The following MGST1 variants were observed in gnomAD, a reference collection of about 807,000 sequenced individuals.
MGST1 encodes the protein glutathione S-transferase 12.
Under a neutral mutation model 8.9 loss-of-function variants are expected in MGST1, and 5 were observed. That is an observed-to-expected ratio of 0.56 (90% confidence interval 0.29 to 1.19). MGST1 has a LOEUF of 1.19. Ranked by LOEUF, MGST1 falls within the 50% of genes most tolerant of loss-of-function variation. The pLI is 0.08. For missense variants in MGST1, 182 were observed against 187.4 expected, an observed-to-expected ratio of 0.97 and a Z score of 0.17; for synonymous variants, 54 against 67.8, an observed-to-expected ratio of 0.80 and a Z score of 1.00.
rs539072182 is a variant in MGST1, at chr12:16,585,337, A to G, written n.483-4191A>G. Among the ~76,000 whole-genome samples, 3 of 152,324 alleles carry G rather than the reference A, an allele frequency of 2.0e-5. No homozygotes were observed. Among genetic ancestry groups the G allele is most frequent in the African/African-American group, 7.2e-5 (3 of 41,586 alleles). On this transcript the variant is annotated intron_variant and non_coding_transcript_variant, in intron 4 of 4. Coordinates refer to the MGST1 transcript ENST00000538857. This position sits in a 1 kb window ranked among gnomAD's most constrained non-coding sequence, Gnocchi z 4.7. The stretch of plus-strand genomic sequence containing the variant: ...AAAAAGGATTTGCATATTTGTGTAT[A>G]TATTTTTAAAAAGTGGATTAACTTT...
rs572269580 is a variant in MGST1 at position 16,582,083 on chromosome 12, A to G, written n.483-7445A>G. Among the ~76,000 whole-genome samples the G allele has an allele frequency of 6.6e-6, 1 of 152,294 alleles. No individual in the cohort carries two copies. Among genetic ancestry groups the G allele is most frequent in the East Asian group, 1.9e-4 (1 of 5,182 alleles). ...TGGCTTTTTCTTGGCTTTAATGGAA[A>G]TTACTTTAGTATTTAGCTGTTTTAT... On this transcript the variant is annotated intron_variant and non_coding_transcript_variant, in intron 4 of 4. Coordinates refer to the MGST1 transcript ENST00000538857. The surrounding 1 kb of genome is among the most constrained non-coding windows in gnomAD (Gnocchi z 4.1).
At chr12:16,542,889 G>A (rs989462971) in intron 4 of MGST1, among the ~76,000 whole-genome samples, 2 of 152,058 alleles carry the variant, frequency 1.3e-5, no homozygotes, top group Non-Finnish European at 2.9e-5. Context: ...CTTAGATTAG[G>A]GGTGGTCTCT....
At chr12:16,496,081 A>G (rs1345192966) in intron 4 of MGST1, among the ~76,000 whole-genome samples, 1 of 152,118 alleles carries the variant, frequency 6.6e-6, no homozygotes, top group Non-Finnish European at 1.5e-5. Context: ...CCTTCTGGAA[A>G]GCTGTCTGTC....
At chr12:16,549,075 G>A (rs928835900) in intron 4 of MGST1, 1 of 152,090 alleles carries the variant, frequency 6.6e-6, no homozygotes, top group African/African-American at 2.4e-5. Context: ...ATCTGAATAA[G>A]ATCCTGACAA....
At chr12:16,380,562 A>C (rs1459293608), downstream of MGST1, among the ~76,000 whole-genome samples, 1 of 152,114 alleles carries the variant, frequency 6.6e-6, no homozygotes, top group Non-Finnish European at 1.5e-5. Context: ...TTTACTTCCA[A>C]CTATGTGGTC....
rs1376798518 is a variant in MGST1 at position 16,513,201 on chromosome 12, T to C, written n.483-76327T>C. ...GCTTCGATTTCTTCATCTGACTCAG[T>C]TTCTGCTTCTTCATGACTTCAGCTT... On this transcript the variant is annotated intron_variant and non_coding_transcript_variant, in intron 4 of 4. Transcript: ENST00000538857. This position sits in a 1 kb window ranked among gnomAD's most constrained non-coding sequence, Gnocchi z 4.2. Among the ~76,000 whole-genome samples, 2 of 152,224 alleles carry C rather than the reference T, an allele frequency of 1.3e-5. No individual in the cohort carries two copies. Among genetic ancestry groups the C allele is most frequent in the African/African-American group, 4.8e-5 (2 of 41,458 alleles).
intron 1 of MGST1, among the ~76,000 whole-genome samples, chr12:16,435,634 GT>G (rs1565454319): frequency 6.6e-6 from 1 of 151,836 alleles, no homozygotes. Context: ...AACATGCTGA[GT>G]GCTAGAGATA....
intron 1 of MGST1, chr12:16,400,958 G>A (rs1474607588): frequency 7.3e-7 from 1 of 1,372,456 alleles, no homozygotes; most frequent in Non-Finnish European, 1.0e-6. Context: ...TCACCTCTTT[G>A]CTTCTTCATT....
At chr12:16,545,902 A>G (rs1941821310) in intron 4 of MGST1, among the ~76,000 whole-genome samples, 1 of 144,924 alleles carries the variant, frequency 6.9e-6, no homozygotes, top group Non-Finnish European at 1.5e-5. Flanking sequence ...AGAAAAAATA[A>G]TAGTGACAAT....
chr12:16,416,577 C>T (rs916974075), intron 1 of MGST1, among the ~76,000 whole-genome samples: 1 of 152,056 alleles, frequency 6.6e-6, no homozygotes, highest in Non-Finnish European at 1.5e-5. Context: ...TCTCTCCTGT[C>T]TCTTCTTATA....
At chr12:16,551,344 C>T in intron 4 of MGST1, 1 of 1,441,722 alleles carries the variant, frequency 6.9e-7, no homozygotes, top group Middle Eastern at 1.7e-4. Flanking sequence ...ATATTTTAAA[C>T]AATAAAATGT....
chr12:16,380,759 T>G (rs1270303407), downstream of MGST1, among the ~76,000 whole-genome samples: 1 of 152,142 alleles, frequency 6.6e-6, no homozygotes, highest in Non-Finnish European at 1.5e-5. Context: ...AGTCTCCCAT[T>G]ATTATTGTGT....
intron 4 of MGST1, among the ~76,000 whole-genome samples, chr12:16,451,585 A>AT (rs954305267): frequency 4.0e-5 from 6 of 151,830 alleles, no homozygotes; most frequent in African/African-American, 1.4e-4. Flanking sequence ...AGTTATATGA[A>AT]TTTTTTAAAA....
intron 1 of MGST1, chr12:16,353,471 A>T (rs1004174730): frequency 6.6e-6 from 1 of 152,206 alleles, no homozygotes; most frequent in Non-Finnish European, 1.5e-5. Flanking sequence ...ACAAGTTGTA[A>T]GTTGGGTCTC....
At chr12:16,590,570 T>G (rs1447733684), downstream of MGST1, among the ~76,000 whole-genome samples, 3 of 151,564 alleles carry the variant, frequency 2.0e-5, no homozygotes, top group Non-Finnish European at 4.4e-5. Context: ...CTTTGAAAAA[T>G]CCACATCTTT....
At chr12:16,579,707 T>C (rs1943100039) in intron 4 of MGST1, among the ~76,000 whole-genome samples, 1 of 152,180 alleles carries the variant, frequency 6.6e-6, no homozygotes, top group Non-Finnish European at 1.5e-5. Context: ...TCAGTAAGAA[T>C]TCAGAAAATT....
rs1353807472 is a variant in MGST1, at chr12:16,548,917, A to AAAG, written n.483-40608_483-40606dup. ...GAAATAATTCTCAGCATATTATGTA[A>AAAG]AAGAAAAAGCAGTGAAAACCTTGTT... On this transcript the variant is annotated intron_variant and non_coding_transcript_variant, in intron 4 of 4. Coordinates refer to the MGST1 transcript ENST00000538857. This position sits in a 1 kb window ranked among gnomAD's most constrained non-coding sequence, Gnocchi z 4.2. 2 of 152,152 alleles carry AAAG rather than the reference A, an allele frequency of 1.3e-5. No homozygotes were observed. Among genetic ancestry groups the AAAG allele is most frequent in the Non-Finnish European group, 2.9e-5 (2 of 68,018 alleles). 9.4% of individuals were successfully genotyped at this position (152,152 alleles called of 1,614,324 possible).
intron 4 of MGST1, among the ~76,000 whole-genome samples, chr12:16,508,089 TCAGTGCCCAC>T (rs924639272): frequency 2.0e-5 from 3 of 152,258 alleles, no homozygotes; most frequent in Non-Finnish European, 4.4e-5. Context: ...ACTTAGGGTC[TCAGTGCCCAC>T]CAGATTATAA....
chr12:16,566,040 A>ATATATGT (rs1942598708), intron 4 of MGST1, among the ~76,000 whole-genome samples: 1 of 106,802 alleles, frequency 9.4e-6, no homozygotes, highest in Non-Finnish European at 1.9e-5. Flanking sequence ...ATATATATAT[A>ATATATGT]AAATGGAGTA....
Sources: gnomAD v4.1 joint callset for allele counts (sites outside exome capture counted in the v4.1 genomes callset) on GRCh38, gnomAD v4.1.1 for gene constraint, Gnocchi (gnomAD v3.1) non-coding constraint, MANE v1.5 for transcripts, NCBI Gene and HGNC (gene_info 2026-07-23, HGNC 2026-07-21) for gene names.